VAV2: variants seen among roughly 807,000 people sequenced by gnomAD.
VAV2 encodes the protein vav guanine nucleotide exchange factor 2, also known as guanine nucleotide exchange factor VAV2.
In VAV2, 67 loss-of-function variants were observed where a neutral mutation model predicts 132.5. That is an observed-to-expected ratio of 0.51 (90% CI 0.42 to 0.62). The LOEUF (loss-of-function observed/expected upper bound fraction) is 0.62, where lower values mean the gene tolerates loss of function less well. Among genes scored for constraint, VAV2 ranks in the 20% least tolerant of loss-of-function variants. The probability of loss-of-function intolerance (pLI) is 0.00; values close to 1 mark genes in which losing one functional copy is unlikely to be tolerated. For synonymous variants in VAV2, 492 were observed against 443.5 expected, an observed-to-expected ratio of 1.11 and a Z score of -1.37; for missense variants, 938 against 1,153.6, an observed-to-expected ratio of 0.81 and a Z score of 2.71.
chr9:133,768,698 AC>A lies in VAV2; in HGVS notation c.2435-103del. 7.1e-7 allele frequency: 1 copy of A among 1,412,936 alleles called. No individual in the cohort carries two copies. Among genetic ancestry groups the A allele is most frequent in the South Asian group, 1.4e-5 (1 of 72,688 alleles). The allele number at this position is 1,412,936 out of a possible 1,614,324, so 87.5% of individuals were successfully genotyped here. On this transcript the variant is annotated intron_variant, in intron 28 of 29. Coordinates refer to ENST00000371850, the MANE Select transcript of VAV2 (RefSeq NM_001134398.2). This position sits in a 1 kb window ranked among gnomAD's most constrained non-coding sequence, Gnocchi z 5.3. ...CTGGGTCTCTCCCCTGGTGCCCAGA[AC>A]CCTGCTCTGTACCCAGAGAGGAAGG...
intron 1 of VAV2, among the ~76,000 whole-genome samples, chr9:133,984,320 A>C (rs2132301481): frequency 6.6e-6 from 1 of 152,248 alleles, no homozygotes; most frequent in South Asian, 2.1e-4. Flanking sequence ...TTATTTGTGA[A>C]AATAAGATTT....
chr9:133,839,558 C>A (rs1371026346), intron 3 of VAV2, among the ~76,000 whole-genome samples: 3 of 150,478 alleles, frequency 2.0e-5, no homozygotes, highest in Non-Finnish European at 4.4e-5. Context: ...TCAAGTGATT[C>A]CCCTGTCTCA....
intron 9 of VAV2, among the ~76,000 whole-genome samples, chr9:133,799,054 C>G (rs1834831898): frequency 3.9e-5 from 6 of 152,234 alleles, no homozygotes; most frequent in Admixed American, 3.9e-4. Flanking sequence ...GGGCGGGCAG[C>G]TGGGCCTGTA....
chr9:133,773,829 C>T (rs918093774), intron 25 of VAV2, among the ~76,000 whole-genome samples: 6 of 152,150 alleles, frequency 3.9e-5, no homozygotes, highest in Non-Finnish European at 7.3e-5. Context: ...TCATGTATTA[C>T]GATGATCACA....
At position 133,777,394 on chromosome 9, in the gene VAV2, C is replaced by T. The variant is rs776525103; in HGVS notation, c.1960G>A (p.Gly654Arg). 3 of 1,613,678 alleles carry T rather than the reference C, an allele frequency of 1.9e-6. No homozygotes were observed. The African/African-American group carries it at 4.0e-5, about 22-fold the overall frequency. Residue 654 changes from glycine (G) to arginine (R), a missense_variant, in exon 23 of 30, where the codon GGA becomes AGA. Coordinates refer to ENST00000371850, the MANE Select transcript of VAV2 (RefSeq NM_001134398.2). ...TTCTGTGGGAAAGGACTCACCCTTC[C>T]ATCCACAGGGCAGGGCTTCACAGAT... The part of the protein sequence containing the change: ...SSSVKPCPVD[G>R]RPPISRPPSR...
Position 133,982,597 on chromosome 9 carries a change from C to T in VAV2, c.204+9478G>A, listed in dbSNP as rs917895308. 1.1e-4 allele frequency among the ~76,000 whole-genome samples: 17 copies of T among 152,250 alleles called. No homozygotes were observed. In the East Asian group the frequency reaches 3.3e-3, roughly 29 times the overall value. On this transcript the variant is annotated intron_variant, in intron 1 of 29. Coordinates refer to ENST00000371850, the MANE Select transcript of VAV2 (RefSeq NM_001134398.2). Reference sequence around the variant, plus strand: ...CGGGGCAGGAGGGCGCGGCAGACTCCGGCTGCCGCCTGGTTTTGGAGGGCT... The same window carrying T: ...CGGGGCAGGAGGGCGCGGCAGACTCTGGCTGCCGCCTGGTTTTGGAGGGCT...
At chr9:133,944,117 C>T (rs1024006907) in intron 1 of VAV2, among the ~76,000 whole-genome samples, 1 of 152,186 alleles carries the variant, frequency 6.6e-6, no homozygotes, top group African/African-American at 2.4e-5. Context: ...AGGACAGTCA[C>T]GTCTCTTTAG....
chr9:133,873,647 G>T (rs563136639), intron 2 of VAV2, among the ~76,000 whole-genome samples: 4 of 152,350 alleles, frequency 2.6e-5, no homozygotes, highest in African/African-American at 9.6e-5. Flanking sequence ...GGCTGGGCAA[G>T]CTGCATGAGG....
intron 2 of VAV2, among the ~76,000 whole-genome samples, chr9:133,899,042 C>T (rs1052108130): frequency 1.3e-5 from 2 of 151,724 alleles, no homozygotes; most frequent in East Asian, 2.0e-4. Flanking sequence ...AGGATGGTCT[C>T]GATCTCCTGA....
rs1428586389 is a variant in VAV2, at chr9:133,795,665, C to T, written c.1101+3G>A. On this transcript the variant is annotated splice_donor_region_variant and intron_variant, in intron 12 of 29. Transcript: ENST00000371850. ...TCTCCCCTGCCTCAGTTTACCCACA[C>T]ACCTGCATGGCTTCCAGTGCTTCTT... is the stretch of plus-strand genomic sequence containing the variant. 3 of 1,614,042 alleles carry T rather than the reference C, an allele frequency of 1.9e-6. No homozygotes were observed. Among genetic ancestry groups the T allele is most frequent in the African/African-American group, 1.3e-5 (1 of 74,942 alleles).
intron 2 of VAV2, among the ~76,000 whole-genome samples, chr9:133,872,089 A>G (rs1838078738): frequency 6.6e-6 from 1 of 152,218 alleles, no homozygotes; most frequent in South Asian, 2.1e-4. Flanking sequence ...AATCCTTGTG[A>G]GCTCCTCAAG....
intron 4 of VAV2, among the ~76,000 whole-genome samples, chr9:133,830,982 C>T (rs1836238844): frequency 6.6e-6 from 1 of 152,112 alleles, no homozygotes; most frequent in East Asian, 1.9e-4. Flanking sequence ...ATAAAGAGCT[C>T]GTTGGATTAA....
At chr9:133,968,091 G>T (rs189737883) in intron 1 of VAV2, among the ~76,000 whole-genome samples, 208 of 152,178 alleles carry the variant, frequency 1.4e-3, no homozygotes, top group African/African-American at 4.9e-3. Context: ...GTTAATGGGG[G>T]CAAACATGCA....
intron 3 of VAV2, among the ~76,000 whole-genome samples, chr9:133,856,423 G>A (rs765341306): frequency 6.9e-6 from 1 of 145,780 alleles, no homozygotes; most frequent in Non-Finnish European, 1.5e-5. Flanking sequence ...ATGCTGGTAT[G>A]TGCCCCCCAC....
rs1039239378 is a variant in VAV2 at position 133,840,957 on chromosome 9, A to G, written c.381-6617T>C. On this transcript the variant is annotated intron_variant, in intron 3 of 29. Transcript: ENST00000371850. The surrounding 1 kb of genome is among the most constrained non-coding windows in gnomAD (Gnocchi z 4.5). The stretch of plus-strand genomic sequence containing the variant: ...GTAGCAAGCACAGGTCTGTCAGTGC[A>G]GACCCTCAGGATCTCAGCTAGAGGG... 3.3e-5 allele frequency among the ~76,000 whole-genome samples: 5 copies of G among 152,158 alleles called. No homozygotes were observed. Among genetic ancestry groups the G allele is most frequent in the African/African-American group, 1.2e-4 (5 of 41,434 alleles).
At chr9:133,929,534 G>T (rs183909544) in intron 2 of VAV2, among the ~76,000 whole-genome samples, 1 of 152,114 alleles carries the variant, frequency 6.6e-6, no homozygotes, top group Non-Finnish European at 1.5e-5. Flanking sequence ...ACCCAAGGCT[G>T]ATAGACAAGG....
chr9:133,800,312 TG>T (rs1211177780), intron 9 of VAV2, among the ~76,000 whole-genome samples: 1 of 152,160 alleles, frequency 6.6e-6, no homozygotes, highest in Non-Finnish European at 1.5e-5. Flanking sequence ...GGACTCTAGG[TG>T]GGGAAGCCAG....
intron 1 of VAV2, among the ~76,000 whole-genome samples, chr9:133,940,068 G>A (rs1351787271): frequency 2.6e-5 from 4 of 152,214 alleles, no homozygotes; most frequent in East Asian, 3.8e-4. Context: ...GAGGTGGCCC[G>A]GGGGGCACGC....
chr9:133,959,077 C>T (rs1175788106), intron 1 of VAV2, among the ~76,000 whole-genome samples: 1 of 152,230 alleles, frequency 6.6e-6, no homozygotes, highest in Non-Finnish European at 1.5e-5. Context: ...GGGCTTGCAG[C>T]AGAGACAGCC....
Sources: gnomAD v4.1 joint callset for allele counts (sites outside exome capture counted in the v4.1 genomes callset) on GRCh38, gnomAD v4.1.1 for gene constraint, Gnocchi (gnomAD v3.1) non-coding constraint, MANE v1.5 for transcripts, NCBI Gene and HGNC (gene_info 2026-07-23, HGNC 2026-07-21) for gene names.